The following RAMP1 variants were observed in gnomAD, a reference collection of about 807,000 sequenced individuals.
RAMP1 encodes the protein receptor activity-modifying protein 1.
In RAMP1, 7 loss-of-function variants were observed where a neutral mutation model predicts 8.2. The ratio of observed to expected loss-of-function variants is 0.85; its 90% CI spans 0.49 to 1.60. The LOEUF is 1.60. Among genes scored for constraint, RAMP1 ranks in the 40% most tolerant of loss-of-function variants. The probability of loss-of-function intolerance (pLI) is 0.00; values close to 1 mark genes in which losing one functional copy is unlikely to be tolerated. For synonymous variants in RAMP1, 92 were observed against 84.7 expected (o/e 1.09, Z -0.47); for missense variants, 192 against 202.4 (o/e 0.95, Z 0.31).
rs555465567 is a variant in RAMP1 at position 237,904,136 on chromosome 2, G to A, written c.192-7392G>A. ...GTATTTCTAGAAGAAATATTGGGCC[G>A]GGCTCAGTGGCTCACGCCTGTAATC... On this transcript the variant is annotated intron_variant, in intron 2 of 2. Transcript: ENST00000254661. Among the ~76,000 whole-genome samples, 9 of 152,300 alleles carry A rather than the reference G, an allele frequency of 5.9e-5. No homozygotes were observed. The South Asian group carries it at 1.0e-3, about 18-fold the overall frequency.
intron 1 of RAMP1, among the ~76,000 whole-genome samples, chr2:237,866,976 A>G (rs1163773820): frequency 6.6e-6 from 1 of 152,154 alleles, no homozygotes; most frequent in African/African-American, 2.4e-5. Flanking sequence ...TGATCCATGC[A>G]TCTTGGCTTC....
chr2:237,882,211 G>A (rs367704628), intron 2 of RAMP1, among the ~76,000 whole-genome samples: 4 of 152,102 alleles, frequency 2.6e-5, no homozygotes, highest in South Asian at 2.1e-4. Flanking sequence ...CACTTGGCCC[G>A]TGCCTTCTTA....
chr2:237,873,355 T>A (rs567306573), intron 1 of RAMP1, among the ~76,000 whole-genome samples: 58 of 152,356 alleles, frequency 3.8e-4, no homozygotes, highest in African/African-American at 1.4e-3. Flanking sequence ...TCTGTGCCTC[T>A]TGTCTCCTTA....
chr2:237,872,361 TG>T (rs2062255135), intron 1 of RAMP1, among the ~76,000 whole-genome samples: 2 of 152,206 alleles, frequency 1.3e-5, no homozygotes, highest in Non-Finnish European at 2.9e-5. Flanking sequence ...CCTGTGCTCT[TG>T]GGCATTAGTG....
intron 2 of RAMP1, among the ~76,000 whole-genome samples, chr2:237,910,516 T>C (rs1559178513): frequency 6.9e-6 from 1 of 145,946 alleles, no homozygotes; most frequent in East Asian, 2.1e-4. Flanking sequence ...CACAATTACA[T>C]ATACATAGTC....
chr2:237,900,284 C>CA (rs1364314747), intron 2 of RAMP1, among the ~76,000 whole-genome samples: 1 of 152,174 alleles, frequency 6.6e-6, no homozygotes, highest in African/African-American at 2.4e-5. Context: ...CTCAGCCACT[C>CA]AAGTTAACTG....
rs1290848996 is a variant in RAMP1 at position 237,877,724 on chromosome 2, A to T, written c.191+362A>T. Among the ~76,000 whole-genome samples, 1 of 152,122 alleles carries T rather than the reference A, an allele frequency of 6.6e-6. No homozygotes were observed. The highest frequency in any genetic ancestry group is 1.5e-5 in the Non-Finnish European group (1 of 67,994). On this transcript the variant is annotated intron_variant, in intron 2 of 2. Coordinates refer to ENST00000254661, the MANE Select transcript of RAMP1 (RefSeq NM_005855.4). This position sits in a 1 kb window ranked among gnomAD's most constrained non-coding sequence, Gnocchi z 4.4. The stretch of plus-strand genomic sequence containing the variant: ...CTCTGACTGGAGCCTGGCTTCAGGG[A>T]CGTCCCTGCTGATTCCCTCTGTCCC...
At position 237,911,806 on chromosome 2, in the gene RAMP1, G is replaced by T. The variant is rs767717585; in HGVS notation, c.*23G>T. On this transcript the variant is annotated 3_prime_UTR_variant, in exon 3 of 3. Transcript: ENST00000254661. ...TAGGCGGGGCCCAGGCTGCCCGCGG[G>T]TGCACCCAGGCTGCAGGGTGAGGCC... 6.4e-7 allele frequency: 1 copy of T among 1,572,398 alleles called. No individual in the cohort carries two copies. The highest frequency in any genetic ancestry group is 1.3e-5 in the African/African-American group (1 of 74,124).
At chr2:237,908,844 TTGTC>T (rs2062679296) in intron 2 of RAMP1, among the ~76,000 whole-genome samples, 1 of 152,162 alleles carries the variant, frequency 6.6e-6, no homozygotes, top group Admixed American at 6.5e-5. Context: ...TGGTGTGTCT[TTGTC>T]TGTGCCCTGG....
At chr2:237,900,976 T>C (rs2062591694) in intron 2 of RAMP1, among the ~76,000 whole-genome samples, 1 of 152,384 alleles carries the variant, frequency 6.6e-6, no homozygotes, top group East Asian at 1.9e-4. Flanking sequence ...TCATAATCAC[T>C]TTATGCTACT....
chr2:237,909,226 G>C (rs1028751861), intron 2 of RAMP1, among the ~76,000 whole-genome samples: 3 of 152,170 alleles, frequency 2.0e-5, no homozygotes, highest in African/African-American at 7.2e-5. Flanking sequence ...TGAGGTGTGA[G>C]ACCCGTGCAG....
chr2:237,887,643 A>G (rs762322482), intron 2 of RAMP1, among the ~76,000 whole-genome samples: 22 of 152,198 alleles, frequency 1.4e-4, no homozygotes, highest in Non-Finnish European at 2.6e-4. Context: ...GGTTTTTGCT[A>G]TTATAAATGA....
At chr2:237,888,864 C>T (rs995487431) in intron 2 of RAMP1, among the ~76,000 whole-genome samples, 4 of 152,044 alleles carry the variant, frequency 2.6e-5, no homozygotes, top group East Asian at 3.9e-4. Flanking sequence ...CCCTGCCTCC[C>T]GGGTTCAAGT....
rs2062177907 is a variant in RAMP1 at position 237,865,382 on chromosome 2, C to T, written c.52+5655C>T. ...GGAGAGTGCAGGGGAGGGGAGATGA[C>T]ACCCCAGGCCACAGCCAGGGCTGCC... On this transcript the variant is annotated intron_variant, in intron 1 of 2. Coordinates refer to ENST00000254661, the MANE Select transcript of RAMP1 (RefSeq NM_005855.4). This position sits in a 1 kb window ranked among gnomAD's most constrained non-coding sequence, Gnocchi z 4.2. 6.6e-6 allele frequency among the ~76,000 whole-genome samples: 1 copy of T among 151,324 alleles called. No homozygotes were observed. The highest frequency in any genetic ancestry group is 2.4e-5 in the African/African-American group (1 of 41,094).
intron 2 of RAMP1, among the ~76,000 whole-genome samples, chr2:237,894,599 TG>T (rs1398291043): frequency 1.3e-5 from 2 of 152,060 alleles, no homozygotes; most frequent in African/African-American, 4.8e-5. Flanking sequence ...GGCTAGGGGG[TG>T]AGACCCCCCT....
rs1029768393 is a variant in RAMP1, at chr2:237,911,892, C to G, written c.*109C>G. 1 of 1,422,032 alleles carries G rather than the reference C, an allele frequency of 7.0e-7. No homozygotes were observed. Among genetic ancestry groups the G allele is most frequent in the African/African-American group, 1.4e-5 (1 of 69,666 alleles). 88.1% of individuals were successfully genotyped at this position (1,422,032 alleles called of 1,614,324 possible). ...GGGACAGAGCAGGCCCACAATGCCC[C>G]CCTTCTTCCAGCCAAGAAGAGCTCA... On this transcript the variant is annotated 3_prime_UTR_variant, in exon 3 of 3. Transcript: ENST00000254661.
rs571353136 is a variant in RAMP1, at chr2:237,905,942, C to A, written c.192-5586C>A. Among the ~76,000 whole-genome samples the A allele has an allele frequency of 5.6e-5, 8 of 143,936 alleles. No individual in the cohort carries two copies. The East Asian group carries it at 1.3e-3, about 24-fold the overall frequency. 94.4% of individuals were successfully genotyped at this position (143,936 alleles called of 152,430 possible). The stretch of plus-strand genomic sequence containing the variant: ...AGGAGAATCGCTTGAACCTGGGAAG[C>A]GGAGGTTGCAGTGAGCTGAGATTGT... On this transcript the variant is annotated intron_variant, in intron 2 of 2. Coordinates refer to ENST00000254661, the MANE Select transcript of RAMP1 (RefSeq NM_005855.4).
intron 2 of RAMP1, among the ~76,000 whole-genome samples, chr2:237,902,487 C>T (rs983054170): frequency 5.9e-5 from 9 of 151,986 alleles, no homozygotes; most frequent in Admixed American, 2.0e-4. Flanking sequence ...GGGAACACAG[C>T]GAGGAGGAAA....
chr2:237,883,644 C>T (rs1001628294), intron 2 of RAMP1, among the ~76,000 whole-genome samples: 10 of 151,932 alleles, frequency 6.6e-5, no homozygotes, highest in African/African-American at 2.4e-4. Context: ...AGTGAGACTC[C>T]ATCTCTACAA....
Sources: allele counts gnomAD v4.1 joint callset (sites outside exome capture counted in the v4.1 genomes callset), GRCh38; gene constraint gnomAD v4.1.1; non-coding constraint Gnocchi (gnomAD v3.1); transcripts MANE v1.5; gene names NCBI Gene and HGNC (gene_info 2026-07-23, HGNC 2026-07-21).